Variants in SYCP1 observed in about 807,000 individuals in gnomAD.
SYCP1 encodes cancer/testis antigen 8.
Under a neutral mutation model 153.1 loss-of-function variants are expected in SYCP1, and 64 were observed. The ratio of observed to expected loss-of-function variants is 0.42; its 90% CI spans 0.34 to 0.51. The LOEUF (loss-of-function observed/expected upper bound fraction) is 0.51, where lower values mean the gene tolerates loss of function less well. Ranked by LOEUF, SYCP1 falls within the 20% of genes least tolerant of loss-of-function variation. The pLI is 0.06. For missense variants in SYCP1, 997 were observed against 1,049.0 expected (o/e 0.95, Z 0.68); for synonymous variants, 384 against 341.8 (o/e 1.12, Z -1.36).
intron 27 of SYCP1, among the ~76,000 whole-genome samples, chr1:114,961,721 G>A (rs560371654): frequency 3.3e-5 from 5 of 151,960 alleles, no homozygotes; most frequent in Non-Finnish European, 5.9e-5. Context: ...ATATAATTTC[G>A]ATGTTCTTAA....
At chr1:114,913,281 A>C in intron 19 of SYCP1, 131 bp downstream of exon 19, 1 of 683,548 alleles carries the variant, frequency 1.5e-6, no homozygotes, top group Non-Finnish European at 2.5e-6. Flanking sequence ...TTAGCAGAAA[A>C]ATATGCATAT....
At chr1:114,864,440 T>C (rs360622) in intron 8 of SYCP1, among the ~76,000 whole-genome samples, 53,031 of 151,940 alleles carry the variant, frequency 0.35, 10,399 homozygotes, top group East Asian at 0.49. Context: ...GTATTTTTCA[T>C]CTTTTTTCTC....
chr1:114,894,466 G>A (rs1488482554), intron 15 of SYCP1, among the ~76,000 whole-genome samples: 1 of 152,148 alleles, frequency 6.6e-6, no homozygotes, highest in African/African-American at 2.4e-5. Context: ...TTAATTTTTT[G>A]TGGGCAGGTT....
chr1:114,919,712 C>T (rs1337909571), intron 20 of SYCP1, among the ~76,000 whole-genome samples: 2 of 151,968 alleles, frequency 1.3e-5, no homozygotes, highest in Non-Finnish European at 1.5e-5. Context: ...TAGATTTCTT[C>T]ATGGTTCAAT....
rs758650224 is a variant in SYCP1, at chr1:114,856,921, C to CAAAAAAA, written c.193+282_194-287dup. The stretch of plus-strand genomic sequence containing the variant: ...GCAACATAAGGAGACCCTGTCTGTA[C>CAAAAAAA]AAAAAAAAAAAAAAAAAAAAAAAAC... On this transcript the variant is annotated intron_variant, in intron 3 of 31. Coordinates refer to ENST00000369522, the MANE Select transcript of SYCP1 (RefSeq NM_003176.4). 7.8e-4 allele frequency among the ~76,000 whole-genome samples: 29 copies of CAAAAAAA among 37,274 alleles called. 1 individual carries two copies. Among genetic ancestry groups the CAAAAAAA allele is most frequent in the Middle Eastern group, 0.045 (1 of 22 alleles). 24.5% of individuals were successfully genotyped at this position (37,274 alleles called of 152,430 possible). A position where few individuals can be genotyped will look rare whatever the true frequency, so the allele number is the denominator to read the frequency against.
rs753735731 is a variant in SYCP1 at position 114,856,600 on chromosome 1, T to C, written c.136T>C (p.Phe46Leu). 6.2e-7 allele frequency: 1 copy of C among 1,611,848 alleles called. No homozygotes were observed. The highest frequency in any genetic ancestry group is 1.1e-5 in the South Asian group (1 of 90,600). ...TTTCAACAAATGTACTGAAGATGATTTTGAGTTTCCATTTGCAAAGACTAA... is the reference window on the plus strand; with the variant it reads ...TTTCAACAAATGTACTGAAGATGATCTTGAGTTTCCATTTGCAAAGACTAA... ...KSFNKCTEDD[F>L]EFPFAKTNLS... Residue 46 changes from phenylalanine to leucine, a missense_variant, in exon 3 of 32, where the codon TTT becomes CTT. By Grantham distance (22) the Phe-to-Leu change is conservative. Around this residue, in one of 2 missense-constraint regions of SYCP1, gnomAD observed 285 missense variants for 366.1 expected, o/e 0.78. Transcript: ENST00000369522.
chr1:114,962,844 G>A (rs1461416159), intron 27 of SYCP1, among the ~76,000 whole-genome samples: 1 of 152,138 alleles, frequency 6.6e-6, no homozygotes, highest in East Asian at 1.9e-4. Context: ...CCTTTTAGCA[G>A]TTATTGTAGT....
At chr1:114,974,926 A>G (rs911218807) in intron 27 of SYCP1, among the ~76,000 whole-genome samples, 3 of 151,772 alleles carry the variant, frequency 2.0e-5, no homozygotes, top group Non-Finnish European at 3.0e-5. Flanking sequence ...TAGTGACTGT[A>G]CCATTTGACA....
At chr1:114,857,576 G>A (rs1664089804) in intron 5 of SYCP1, 79 bp downstream of exon 5, 2 of 997,520 alleles carry the variant, frequency 2.0e-6, no homozygotes, top group Admixed American at 3.0e-5. Flanking sequence ...TTCTTTTGAA[G>A]CTTCAAAAGG....
intron 16 of SYCP1, among the ~76,000 whole-genome samples, chr1:114,908,629 A>G (rs1019464407): frequency 2.6e-5 from 4 of 152,082 alleles, no homozygotes; most frequent in African/African-American, 7.2e-5. Flanking sequence ...TGTAATCTCC[A>G]TTGTGCTCCC....
intron 8 of SYCP1, among the ~76,000 whole-genome samples, chr1:114,872,068 C>T (rs1440014616): frequency 3.1e-5 from 4 of 129,862 alleles, no homozygotes; most frequent in Non-Finnish European, 6.3e-5. Flanking sequence ...TTTTGAACTT[C>T]TGGCCTCAAG....
chr1:114,913,830 G>C, intron 19 of SYCP1, 145 bp from the exon 20 acceptor site: 1 of 497,642 alleles, frequency 2.0e-6, no homozygotes, highest in Non-Finnish European at 3.5e-6. Flanking sequence ...AAGTAGTATG[G>C]AACTATACAA....
At chr1:114,895,426 AT>A (rs150956388) in intron 15 of SYCP1, 21 bp from the exon 16 acceptor site, 15,339 of 1,234,060 alleles carry the variant, frequency 0.012, 243 homozygotes, top group African/African-American at 0.091. Flanking sequence ...TTTTTAACAC[AT>A]TTTTTTTTTG....
intron 29 of SYCP1, among the ~76,000 whole-genome samples, 155 bp downstream of exon 29, chr1:114,981,667 G>A (rs1673164333): frequency 2.0e-5 from 3 of 151,952 alleles, no homozygotes. Context: ...GTAAAGACAA[G>A]GTCTTGCTGT....
intron 30 of SYCP1, among the ~76,000 whole-genome samples, chr1:114,990,234 T>C (rs1207394663): frequency 6.6e-6 from 1 of 151,916 alleles, no homozygotes; most frequent in Non-Finnish European, 1.5e-5. Context: ...CAACACACTC[T>C]TAGCCAATCA....
rs148818289 is a variant in SYCP1 at position 114,980,513 on chromosome 1, T to A, written c.2383-823T>A. On this transcript the variant is annotated intron_variant, in intron 28 of 31. Coordinates refer to ENST00000369522, the MANE Select transcript of SYCP1 (RefSeq NM_003176.4). ...AAATTTTTCTCATTCTTTACTTTCATAATTATTCTCCTTGCTTTTGGAGGC... is the reference window on the plus strand; with the variant it reads ...AAATTTTTCTCATTCTTTACTTTCAAAATTATTCTCCTTGCTTTTGGAGGC... Among the ~76,000 whole-genome samples the A allele has an allele frequency of 1.7e-3, 257 of 152,082 alleles. 5 individuals carry two copies. The East Asian group carries it at 0.044, about 26-fold the overall frequency.
intron 16 of SYCP1, among the ~76,000 whole-genome samples, chr1:114,908,877 C>G (rs75194238): frequency 7.4e-4 from 112 of 152,172 alleles, no homozygotes; most frequent in African/African-American, 2.7e-3. Context: ...GACATTTTAC[C>G]AGTTCTTTGT....
chr1:114,968,745 G>A (rs1217000332), intron 27 of SYCP1, among the ~76,000 whole-genome samples: 1 of 152,190 alleles, frequency 6.6e-6, no homozygotes, highest in African/African-American at 2.4e-5. Flanking sequence ...ATCCTTTGGA[G>A]GAGAAGAGGC....
At chr1:114,955,988 T>C (rs1671410537) in intron 27 of SYCP1, among the ~76,000 whole-genome samples, 1 of 152,214 alleles carries the variant, frequency 6.6e-6, no homozygotes, top group Non-Finnish European at 1.5e-5. Flanking sequence ...GATATTGGTT[T>C]TGGCAGTGAA....
Sources: gnomAD v4.1 joint callset for allele counts (sites outside exome capture counted in the v4.1 genomes callset) on GRCh38, gnomAD v4.1.1 for gene constraint, gnomAD v4.1.1 regional missense constraint, MANE v1.5 for transcripts, NCBI Gene and HGNC (gene_info 2026-07-23, HGNC 2026-07-21) for gene names.